ATRNL1: variants seen among roughly 807,000 people sequenced by gnomAD.
The protein encoded by ATRNL1 is attractin-like protein 1.
In ATRNL1, 95 loss-of-function variants were observed where a neutral mutation model predicts 182.7. The observed-to-expected ratio is 0.52, with a 90% confidence interval of 0.44 to 0.62. ATRNL1 has a LOEUF of 0.62. ATRNL1 is among the 20% of genes least tolerant of loss of function. The probability of loss-of-function intolerance (pLI) is 0.00; values close to 1 mark genes in which losing one functional copy is unlikely to be tolerated. For missense variants in ATRNL1, 1,471 were observed against 1,679.5 expected (o/e 0.88, Z 2.17); for synonymous variants, 576 against 568.3 (o/e 1.01, Z -0.19).
intron 18 of ATRNL1, among the ~76,000 whole-genome samples, chr10:115,331,480 GT>G (rs1554935074): frequency 6.6e-6 from 1 of 152,048 alleles, no homozygotes; most frequent in East Asian, 1.9e-4. Flanking sequence ...GTTCCTCTGT[GT>G]TGTATTGACA....
intron 26 of ATRNL1, among the ~76,000 whole-genome samples, chr10:115,613,260 A>G (rs2133782756): frequency 6.6e-6 from 1 of 152,148 alleles, no homozygotes. Flanking sequence ...TCTTTATCAA[A>G]CGTTTTGCCT....
At chr10:115,318,289 G>A (rs1272010848) in intron 18 of ATRNL1, among the ~76,000 whole-genome samples, 3 of 152,130 alleles carry the variant, frequency 2.0e-5, no homozygotes, top group African/African-American at 7.2e-5. Flanking sequence ...GATTCGGTTT[G>A]CCAGTATTTT....
At chr10:115,895,085 A>T (rs1359502783) in intron 28 of ATRNL1, among the ~76,000 whole-genome samples, 1 of 152,204 alleles carries the variant, frequency 6.6e-6, no homozygotes, top group African/African-American at 2.4e-5. Context: ...AATTTCATCA[A>T]AAGCTTCGTA....
intron 26 of ATRNL1, among the ~76,000 whole-genome samples, chr10:115,691,680 C>T (rs1043220981): frequency 6.6e-6 from 1 of 152,200 alleles, no homozygotes; most frequent in Non-Finnish European, 1.5e-5. Flanking sequence ...TGAGATCACG[C>T]TACTGCACTC....
At chr10:115,202,173 G>C (rs1344493794) in intron 8 of ATRNL1, among the ~76,000 whole-genome samples, 1 of 152,072 alleles carries the variant, frequency 6.6e-6, no homozygotes, top group East Asian at 1.9e-4. Flanking sequence ...CATGTCATCT[G>C]CAAACAGGGA....
intron 21 of ATRNL1, among the ~76,000 whole-genome samples, chr10:115,443,046 G>C (rs1006165698): frequency 6.6e-6 from 1 of 151,828 alleles, no homozygotes; most frequent in African/African-American, 2.4e-5. Context: ...TTATTTCTGG[G>C]ATTTCATTTG....
intron 5 of ATRNL1, among the ~76,000 whole-genome samples, chr10:115,143,799 C>T (rs1450503412): frequency 2.0e-5 from 3 of 152,068 alleles, no homozygotes; most frequent in African/African-American, 4.8e-5. Flanking sequence ...AGCAAGCTCT[C>T]TGGTCTCTCC....
intron 3 of ATRNL1, 99 bp from the exon 4 acceptor site, chr10:115,127,494 C>G (rs1449779792): frequency 1.0e-6 from 1 of 954,504 alleles, no homozygotes; most frequent in East Asian, 3.0e-5. Context: ...GACGTACAAG[C>G]ATTACTGATC....
intron 26 of ATRNL1, among the ~76,000 whole-genome samples, chr10:115,662,231 A>G (rs895597146): frequency 2.0e-5 from 3 of 152,190 alleles, no homozygotes; most frequent in Admixed American, 1.3e-4. Flanking sequence ...TAGTGCCGCA[A>G]TAAACATATG....
At position 115,127,629 on chromosome 10, in the gene ATRNL1, T is replaced by C. The variant is rs1554873897; in HGVS notation, c.528T>C (p.Thr176=). ...LIVPEIRGNE[T]VPEVVTTSGY... is the part of the protein sequence containing the mutation. ...TCCCTGAAATAAGGGGCAATGAAAC[T>C]GTGCCTGAAGTTGTTACTACATCTG... Residue 176 remains threonine, a synonymous_variant, in exon 4 of 29, where the codon ACT becomes ACC. Coordinates refer to ENST00000355044, the MANE Select transcript of ATRNL1 (RefSeq NM_207303.4). 4 of 1,609,244 alleles carry C rather than the reference T, an allele frequency of 2.5e-6. No homozygotes were observed. In the South Asian group the frequency reaches 3.3e-5, roughly 13 times the overall value.
intron 5 of ATRNL1, among the ~76,000 whole-genome samples, chr10:115,153,401 T>A (rs576035118): frequency 4.1e-4 from 63 of 152,290 alleles, no homozygotes; most frequent in Non-Finnish European, 7.9e-4. Flanking sequence ...CAGAGCCTGG[T>A]CTATTCAGGG....
chr10:115,377,379 TC>T (rs1857734350), intron 19 of ATRNL1, among the ~76,000 whole-genome samples: 1 of 152,112 alleles, frequency 6.6e-6, no homozygotes, highest in African/African-American at 2.4e-5. Context: ...TAATGAGGCC[TC>T]CCCCGCCATG....
At position 115,440,958 on chromosome 10, in the gene ATRNL1, T is replaced by C. The variant is rs901088398; in HGVS notation, c.3322+14656T>C. On this transcript the variant is annotated intron_variant, in intron 21 of 28. Transcript: ENST00000355044. Reference sequence around the variant, plus strand: ...GCTAATAATTTTACCTCCTACTTCATTGAGAAAATATAAGCAAATAGATGC... The same window carrying C: ...GCTAATAATTTTACCTCCTACTTCACTGAGAAAATATAAGCAAATAGATGC... 2.0e-5 allele frequency among the ~76,000 whole-genome samples: 3 copies of C among 152,046 alleles called. No homozygotes were observed. In the East Asian group the frequency reaches 5.8e-4, roughly 29 times the overall value.
chr10:115,229,853 A>G (rs1849850684), intron 9 of ATRNL1, among the ~76,000 whole-genome samples: 1 of 152,116 alleles, frequency 6.6e-6, no homozygotes, highest in Admixed American at 6.5e-5. Flanking sequence ...AATATCACAT[A>G]TGGACAAAAG....
At chr10:115,213,770 T>G (rs908910012) in intron 8 of ATRNL1, among the ~76,000 whole-genome samples, 36 of 152,126 alleles carry the variant, frequency 2.4e-4, no homozygotes, top group Non-Finnish European at 3.4e-4. Flanking sequence ...AAGATTATTA[T>G]TAAATGAGAT....
At chr10:115,894,589 T>C (rs1486128522) in intron 28 of ATRNL1, among the ~76,000 whole-genome samples, 3 of 152,230 alleles carry the variant, frequency 2.0e-5, no homozygotes, top group African/African-American at 7.2e-5. Flanking sequence ...ATATTGACCA[T>C]TGTTGCATTC....
intron 26 of ATRNL1, among the ~76,000 whole-genome samples, chr10:115,722,145 C>G (rs1424414678): frequency 6.6e-6 from 1 of 152,040 alleles, no homozygotes; most frequent in Non-Finnish European, 1.5e-5. Flanking sequence ...ATATTATCAG[C>G]CAACTCAGTG....
At chr10:115,162,927 T>C (rs1235753969) in intron 6 of ATRNL1, among the ~76,000 whole-genome samples, 1 of 151,546 alleles carries the variant, frequency 6.6e-6, no homozygotes, top group Non-Finnish European at 1.5e-5. Flanking sequence ...AAACTGGTCA[T>C]GGATTTAGCA....
intron 17 of ATRNL1, among the ~76,000 whole-genome samples, chr10:115,304,428 A>T (rs2133985248): frequency 6.6e-6 from 1 of 152,254 alleles, no homozygotes; most frequent in Non-Finnish European, 1.5e-5. Context: ...CTCTTGTCTC[A>T]CGTTGAATTA....
Sources: gnomAD v4.1 joint callset for allele counts (sites outside exome capture counted in the v4.1 genomes callset) on GRCh38, gnomAD v4.1.1 for gene constraint, MANE v1.5 for transcripts, NCBI Gene and HGNC (gene_info 2026-07-23, HGNC 2026-07-21) for gene names.